Variants in NSUN4 observed in about 807,000 individuals in gnomAD.
The protein encoded by NSUN4 is NOP2/Sun RNA methyltransferase 4.
A neutral mutation model predicts 43.8 loss-of-function variants in NSUN4; 31 were observed. The ratio of observed to expected loss-of-function variants is 0.71; its 90% confidence interval spans 0.53 to 0.96. NSUN4 has a LOEUF of 0.96. Ranked by LOEUF, NSUN4 falls within the 40% of genes least tolerant of loss-of-function variation. The probability of loss-of-function intolerance (pLI) is 0.00; values close to 1 mark genes in which losing one functional copy is unlikely to be tolerated. For synonymous variants in NSUN4, 167 were observed against 184.1 expected (o/e 0.91, Z 0.75); for missense variants, 439 against 475.6 (o/e 0.92, Z 0.72).
the NSUN4 span, among the ~76,000 whole-genome samples, chr1:46,375,941 T>C: frequency 1.3e-5 from 2 of 150,812 alleles, no homozygotes; most frequent in African/African-American, 4.9e-5. Context: ...ACCCTGTCTC[T>C]ACTAAAAATA....
At position 46,340,899 on chromosome 1, in the gene NSUN4, C is replaced by T; in HGVS notation, c.73C>T (p.His25Tyr). 1.2e-6 allele frequency: 2 copies of T among 1,613,378 alleles called. No individual in the cohort carries two copies. The highest frequency in any genetic ancestry group is 1.7e-6 in the Non-Finnish European group (2 of 1,179,654). Residue 25 changes from histidine (H) to tyrosine (Y), a missense_variant, in exon 1 of 6, where the codon CAT becomes TAT. Transcript: ENST00000474844. ...GGACCTCGCGACGGTCCCGCGGAGA[C>T]ATCGATATAAGAAGAAATGGGTAAG... ...RVDLATVPRRHRYKKKWAATE... is the reference protein window; with the variant it reads ...RVDLATVPRRYRYKKKWAATE...
intron 3 of NSUN4, among the ~76,000 whole-genome samples, chr1:46,347,739 G>A (rs1662617113): frequency 6.6e-6 from 1 of 152,006 alleles, no homozygotes; most frequent in African/African-American, 2.4e-5. Context: ...TGCTTTATAT[G>A]TCACTCTTCT....
intron 4 of NSUN4, among the ~76,000 whole-genome samples, chr1:46,356,142 G>A (rs923601286): frequency 1.3e-5 from 2 of 152,154 alleles, no homozygotes; most frequent in Non-Finnish European, 2.9e-5. Flanking sequence ...CGCAATCATG[G>A]CTCACTGCAG....
chr1:46,369,647 C>A (rs1470102674), downstream of NSUN4, among the ~76,000 whole-genome samples: 1 of 152,020 alleles, frequency 6.6e-6, no homozygotes, highest in East Asian at 1.9e-4. Flanking sequence ...GTTGGGAGTG[C>A]CCTAGCAGAG....
At chr1:46,376,001 G>A in the NSUN4 span, among the ~76,000 whole-genome samples, 1 of 149,998 alleles carries the variant, frequency 6.7e-6, no homozygotes, top group Non-Finnish European at 1.5e-5. Context: ...AGCTACTCGG[G>A]AGGCTGAGGC....
At chr1:46,367,185 C>G (rs1451170948), downstream of NSUN4, among the ~76,000 whole-genome samples, 7 of 152,138 alleles carry the variant, frequency 4.6e-5, no homozygotes, top group Non-Finnish European at 5.9e-5. Flanking sequence ...AATCACCACT[C>G]TCACCCCTGC....
the NSUN4 span, among the ~76,000 whole-genome samples, chr1:46,382,383 A>G: frequency 2.6e-4 from 39 of 152,136 alleles, no homozygotes; most frequent in Admixed American, 2.6e-3. Flanking sequence ...AACTTTTACG[A>G]CCCATTCCCA....
chr1:46,341,609 A>G (rs903338632), intron 1 of NSUN4: 1 of 1,187,382 alleles, frequency 8.4e-7, no homozygotes, highest in Non-Finnish European at 1.0e-6. Context: ...CCCCCTGCCC[A>G]CCCCAGCCGA....
the NSUN4 span, among the ~76,000 whole-genome samples, chr1:46,382,733 C>T: frequency 2.0e-5 from 3 of 151,976 alleles, no homozygotes; most frequent in Admixed American, 6.6e-5. Context: ...TCCCAAGTAG[C>T]TGGGATTACA....
chr1:46,341,392 G>A, intron 1 of NSUN4: 4 of 1,003,124 alleles, frequency 4.0e-6, no homozygotes, highest in Non-Finnish European at 4.8e-6. Flanking sequence ...CCGCCGCCTT[G>A]CAGGAAAGGA....
chr1:46,371,650 C>G, the NSUN4 span, among the ~76,000 whole-genome samples: 1 of 152,140 alleles, frequency 6.6e-6, no homozygotes, highest in African/African-American at 2.4e-5. Context: ...CCATGTTGGT[C>G]AGGCTTGTCT....
downstream of NSUN4, among the ~76,000 whole-genome samples, chr1:46,368,286 G>A (rs138974006): frequency 6.6e-6 from 1 of 151,958 alleles, no homozygotes; most frequent in Admixed American, 6.6e-5. Context: ...CTCCCATCCT[G>A]TCCCAGTACA....
At chr1:46,358,854 T>G (rs1051892596) in intron 4 of NSUN4, among the ~76,000 whole-genome samples, 14 of 152,264 alleles carry the variant, frequency 9.2e-5, no homozygotes, top group African/African-American at 1.2e-4. Flanking sequence ...ATATCAAAAC[T>G]ATTGTTGACA....
At chr1:46,382,441 G>A in the NSUN4 span, among the ~76,000 whole-genome samples, 10 of 152,094 alleles carry the variant, frequency 6.6e-5, no homozygotes, top group Non-Finnish European at 1.2e-4. Context: ...TCTGGCTTCC[G>A]GCTTCCCAGT....
chr1:46,368,615 C>T (rs148391035), downstream of NSUN4, among the ~76,000 whole-genome samples: 11 of 152,190 alleles, frequency 7.2e-5, no homozygotes, highest in East Asian at 2.1e-3. Flanking sequence ...TCGCTGACCT[C>T]CAGAATCATG....
downstream of NSUN4, among the ~76,000 whole-genome samples, chr1:46,366,704 C>CAAAAAATAA (rs1664142712): frequency 1.7e-5 from 1 of 59,432 alleles, no homozygotes; most frequent in Non-Finnish European, 2.8e-5. Flanking sequence ...ACTAAAAATA[C>CAAAAAATAA]AAAAAAAAAA....
At position 46,340,925 on chromosome 1, in the gene NSUN4, G is replaced by A. The variant is rs759990059; in HGVS notation, c.93+6G>A. The A allele has an allele frequency of 2.9e-5, 47 of 1,610,310 alleles. 1 individual carries two copies. Among genetic ancestry groups the A allele is most frequent in the South Asian group, 1.7e-4 (15 of 90,732 alleles). ...ATCGATATAAGAAGAAATGGGTAAGGTCCGGCTGGGGGCGCAGGAGGGAAA... is the reference window on the plus strand; with the variant it reads ...ATCGATATAAGAAGAAATGGGTAAGATCCGGCTGGGGGCGCAGGAGGGAAA... On this transcript the variant is annotated splice_donor_region_variant and intron_variant, in intron 1 of 5. Coordinates refer to ENST00000474844, the MANE Select transcript of NSUN4 (RefSeq NM_199044.4).
chr1:46,366,704 C>CAAAAAAAAAAAAAAAAAAA (rs34437222), downstream of NSUN4, among the ~76,000 whole-genome samples: 1 of 59,408 alleles, frequency 1.7e-5, no homozygotes, highest in Non-Finnish European at 2.8e-5. Flanking sequence ...ACTAAAAATA[C>CAAAAAAAAAAAAAAAAAAA]AAAAAAAAAA....
intron 1 of NSUN4, chr1:46,343,100 G>T: frequency 2.5e-6 from 1 of 399,040 alleles, no homozygotes. Flanking sequence ...CCTCCATAGG[G>T]CCCCCCTGCA....
Sources: allele counts gnomAD v4.1 joint callset (sites outside exome capture counted in the v4.1 genomes callset), GRCh38; gene constraint gnomAD v4.1.1; transcripts MANE v1.5; gene names NCBI Gene and HGNC (gene_info 2026-07-23, HGNC 2026-07-21).